Variants in ABCB4 observed in about 807,000 individuals in gnomAD.
ABCB4 encodes phosphatidylcholine translocator ABCB4.
In ABCB4, 76 loss-of-function variants were observed where a neutral mutation model predicts 145.7. The ratio of observed to expected loss-of-function variants is 0.52; its 90% CI spans 0.43 to 0.63. The LOEUF is 0.63. Among genes scored for constraint, ABCB4 ranks in the 30% least tolerant of loss-of-function variants. The pLI is 0.00. For missense variants in ABCB4, 1,234 were observed against 1,553.1 expected (o/e 0.79, Z 3.45); for synonymous variants, 517 against 566.8 (o/e 0.91, Z 1.25).
At chr7:87,447,000 C>T in intron 9 of ABCB4, 34 bp downstream of exon 9, 2 of 1,557,698 alleles carry the variant, frequency 1.3e-6, no homozygotes, top group African/African-American at 1.4e-5. Context: ...ATAAGATTTT[C>T]ATATTCTTCA....
chr7:87,443,732 T>G lies in ABCB4; in HGVS notation c.1161A>C (p.Pro387=). The change falls in exon 11 of 28, where the codon CCA becomes CCC. Residue 387 remains proline (P), a synonymous_variant. Transcript: ENST00000649586. ...IDSFSERGHK[P]DSIKGNLEFN... is the part of the protein sequence containing the mutation. ...ACTCCAAATTCCCTTTGATGCTGTC[T>G]GGTTTGTGTCCTCTCTCTGAAAAAC... is the stretch of plus-strand genomic sequence containing the variant. 6.2e-7 allele frequency: 1 copy of G among 1,614,050 alleles called. No homozygotes were observed. The highest frequency in any genetic ancestry group is 8.5e-7 in the Non-Finnish European group (1 of 1,179,934).
At chr7:87,436,768 T>C (rs922823099) in intron 14 of ABCB4, among the ~76,000 whole-genome samples, 3 of 152,174 alleles carry the variant, frequency 2.0e-5, no homozygotes, top group Non-Finnish European at 4.4e-5. Context: ...TCAGAATTGC[T>C]ATGGCCAAGG....
In ABCB4 at chr7:87,443,373, C is replaced by T. The variant is rs754340685; in HGVS notation, c.1302G>A (p.Gly434=). The T allele has an allele frequency of 1.2e-6, 2 of 1,613,982 alleles. No homozygotes were observed. Among genetic ancestry groups the T allele is most frequent in the East Asian group, 4.5e-5 (2 of 44,884 alleles). ...TVALVGSSGC[G]KSTTVQLIQR... is the part of the protein sequence containing the mutation. The stretch of plus-strand genomic sequence containing the variant: ...GTATCAGCTGGACCGTTGTGCTCTT[C>T]CCACAGCCACTACTTCCAACCAGGG... The change falls in exon 12 of 28, where the codon GGG becomes GGA. Residue 434 remains glycine (G), a synonymous_variant. Coordinates refer to ENST00000649586, the MANE Select transcript of ABCB4 (RefSeq NM_000443.4).
At chr7:87,459,923 A>G (rs924686635) in intron 4 of ABCB4, among the ~76,000 whole-genome samples, 2 of 152,354 alleles carry the variant, frequency 1.3e-5, no homozygotes, top group South Asian at 4.1e-4. Flanking sequence ...AGATCAGGAA[A>G]TGTGAAACCC....
At chr7:87,379,353 A>G in the ABCB4 span, among the ~76,000 whole-genome samples, 1 of 152,080 alleles carries the variant, frequency 6.6e-6, no homozygotes, top group Non-Finnish European at 1.5e-5. Flanking sequence ...GCTTTTACCT[A>G]TTATTCTCAT....
intron 4 of ABCB4, among the ~76,000 whole-genome samples, chr7:87,457,860 T>C (rs1286259051): frequency 1.3e-5 from 2 of 152,206 alleles, no homozygotes. Context: ...TAAATCAATG[T>C]CTGCCTTCCC....
At chr7:87,456,628 A>G (rs991720454) in intron 4 of ABCB4, among the ~76,000 whole-genome samples, 2 of 152,182 alleles carry the variant, frequency 1.3e-5, no homozygotes, top group African/African-American at 4.8e-5. Context: ...CCAAATAAAC[A>G]TATTTTCTTC....
At position 87,447,037 on chromosome 7, in the gene ABCB4, C is replaced by T; in HGVS notation, c.1002G>A (p.Met334Ile). ...ISKEYTIGNA[M>I]TVFFSILIGA... ...AAATGTTAGGAGAACTACTTACTGT[C>T]ATTGCATTTCCAATAGTATATTCTT... The change falls in exon 9 of 28, where the codon ATG (methionine) becomes ATA (isoleucine). Residue 334 changes from methionine (M) to isoleucine (I), a missense_variant. Transcript: ENST00000649586. 2 of 1,611,982 alleles carry T rather than the reference C, an allele frequency of 1.2e-6. No individual in the cohort carries two copies. Among genetic ancestry groups the T allele is most frequent in the Non-Finnish European group, 1.7e-6 (2 of 1,178,194 alleles).
the ABCB4 span, among the ~76,000 whole-genome samples, chr7:87,368,016 A>C: frequency 2.0e-5 from 3 of 152,264 alleles, no homozygotes; most frequent in East Asian, 1.9e-4. Flanking sequence ...CCTTCCCATC[A>C]TACTGGAAAC....
At chr7:87,370,412 G>A in the ABCB4 span, among the ~76,000 whole-genome samples, 1 of 152,052 alleles carries the variant, frequency 6.6e-6, no homozygotes, top group African/African-American at 2.4e-5. Context: ...TGAACTCCTG[G>A]CCTTAAATAA....
chr7:87,425,902 TAAATA>T (rs1809769438), intron 16 of ABCB4, among the ~76,000 whole-genome samples: 1 of 151,994 alleles, frequency 6.6e-6, no homozygotes, highest in Non-Finnish European at 1.5e-5. Flanking sequence ...AATAAATAAA[TAAATA>T]AAATTATTTG....
rs1435564748 is a variant in ABCB4, at chr7:87,408,058, G to A, written c.3258C>T (p.Tyr1086=). The part of the protein sequence containing the change: ...STVVQLLERF[Y]DPLAGTVLLD... ...TCACCACTGTCCCCGCCAAGGGGTC[G>A]TAGAACCGCTCCAGGAGCTGGACCA... Residue 1086 remains tyrosine, a synonymous_variant, in exon 25 of 28, where the codon TAC becomes TAT. Coordinates refer to ENST00000649586, the MANE Select transcript of ABCB4 (RefSeq NM_000443.4). The A allele has an allele frequency of 1.2e-5, 20 of 1,613,878 alleles. No homozygotes were observed. The highest frequency in any genetic ancestry group is 1.7e-4 in the Middle Eastern group (1 of 5,932).
chr7:87,461,870 C>A (rs1812482600), intron 4 of ABCB4, among the ~76,000 whole-genome samples: 1 of 152,116 alleles, frequency 6.6e-6, no homozygotes, highest in Non-Finnish European at 1.5e-5. Context: ...ACTGTAAATT[C>A]TTATTCAATG....
chr7:87,444,821 C>T lies in ABCB4; in HGVS notation c.1119+41G>A, dbSNP rs1480945552. The T allele has an allele frequency of 8.8e-6, 13 of 1,470,232 alleles. No individual in the cohort carries two copies. In the Admixed American group the frequency reaches 1.3e-4, roughly 14 times the overall value. 91.1% of individuals were successfully genotyped at this position (1,470,232 alleles called of 1,614,324 possible). On this transcript the variant is annotated intron_variant, in intron 10 of 27. Transcript: ENST00000649586. ...CTAAAGCCAGATTTAATTATACAAG[C>T]TCAAAGACTTCTTTTGGCACTAAAA... is the stretch of plus-strand genomic sequence containing the variant.
chr7:87,391,822 T>C, the ABCB4 span: 2 of 1,076,566 alleles, frequency 1.9e-6, no homozygotes, highest in Non-Finnish European at 2.7e-6. Flanking sequence ...ATCATTAAAA[T>C]ACTTTGAGAC....
chr7:87,410,622 A>T lies in ABCB4; in HGVS notation c.2925-1230T>A, dbSNP rs45594937. Among the ~76,000 whole-genome samples the T allele has an allele frequency of 3.0e-3, 462 of 152,258 alleles. 3 individuals carry two copies. The highest frequency in any genetic ancestry group is 0.01 in the African/African-American group (433 of 41,550). ...TTTATACAATAAATAGTTGTACTCT[A>T]AGTTGTAATCCCCAGCTGCTAGTTC... is the stretch of plus-strand genomic sequence containing the variant. On this transcript the variant is annotated intron_variant, in intron 23 of 27. Transcript: ENST00000649586.
intron 14 of ABCB4, among the ~76,000 whole-genome samples, chr7:87,438,708 G>A (rs755747798): frequency 2.5e-4 from 38 of 152,188 alleles, no homozygotes; most frequent in African/African-American, 6.5e-4. Context: ...ATAATCACAC[G>A]ACTGCACTCC....
intron 3 of ABCB4, among the ~76,000 whole-genome samples, chr7:87,467,473 A>G (rs921460406): frequency 6.6e-6 from 1 of 152,120 alleles, no homozygotes; most frequent in Non-Finnish European, 1.5e-5. Flanking sequence ...CACTATCAGC[A>G]TTAGACAGAT....
downstream of ABCB4, among the ~76,000 whole-genome samples, chr7:87,399,964 T>A (rs1807709674): frequency 6.6e-6 from 1 of 152,182 alleles, no homozygotes; most frequent in Non-Finnish European, 1.5e-5. Flanking sequence ...GCTATAATCA[T>A]CAGGCAACCA....
Sources: gnomAD v4.1 joint callset for allele counts (sites outside exome capture counted in the v4.1 genomes callset) on GRCh38, gnomAD v4.1.1 for gene constraint, MANE v1.5 for transcripts, NCBI Gene and HGNC (gene_info 2026-07-23, HGNC 2026-07-21) for gene names.